WHRN: variants seen among roughly 807,000 people sequenced by gnomAD.
WHRN encodes CASK-interacting protein CIP98.
Under a neutral mutation model 68.3 loss-of-function variants are expected in WHRN, and 41 were observed. The ratio of observed to expected loss-of-function variants is 0.60; its 90% CI spans 0.47 to 0.78. The LOEUF is 0.78. WHRN is among the 30% of genes least tolerant of loss of function. The pLI is 0.00. For missense variants in WHRN, 1,243 were observed against 1,244.7 expected (o/e 1.00, Z 0.02); for synonymous variants, 560 against 561.3 (o/e 1.00, Z 0.03).
At chr9:114,488,329 C>A (rs979811502) in intron 1 of WHRN, among the ~76,000 whole-genome samples, 4 of 152,136 alleles carry the variant, frequency 2.6e-5, no homozygotes, top group African/African-American at 7.2e-5. Flanking sequence ...TTAGTAACAG[C>A]AAAATTACAG....
intron 6 of WHRN, 39 bp from the exon 7 acceptor site, chr9:114,423,562 C>A: frequency 6.4e-7 from 1 of 1,568,544 alleles, no homozygotes. Context: ...GCAGGGAGCG[C>A]TACTAGAAGG....
chr9:114,486,905 TAGA>T (rs368641882), intron 1 of WHRN, among the ~76,000 whole-genome samples: 52,673 of 99,362 alleles, frequency 0.53, 14,015 homozygotes, highest in East Asian at 0.74. Context: ...TGTGTGTGTG[TAGA>T]GTGTGTGTGT....
At chr9:114,497,527 A>G (rs558437060) in intron 1 of WHRN, among the ~76,000 whole-genome samples, 69 of 151,784 alleles carry the variant, frequency 4.5e-4, no homozygotes, top group African/African-American at 1.5e-3. Flanking sequence ...AAAAAAAAAA[A>G]GAAAAGGAAA....
At chr9:114,429,949 C>T (rs1022686290) in intron 3 of WHRN, among the ~76,000 whole-genome samples, 1 of 152,232 alleles carries the variant, frequency 6.6e-6, no homozygotes, top group Non-Finnish European at 1.5e-5. Context: ...GAATCTTCTC[C>T]ATTTCCACCT....
In WHRN at chr9:114,406,615, G is replaced by C. The variant is rs765177181; in HGVS notation, c.1976C>G (p.Pro659Arg). The change falls in exon 9 of 12, where the codon CCC (proline) becomes CGC (arginine). Residue 659 changes from proline to arginine, a missense_variant. Physicochemically the swap from Pro to Arg is moderately radical, Grantham distance 103 (BLOSUM62 -2). Transcript: ENST00000362057. Reference sequence around the variant, plus strand: ...GGCGTCCAGCGGCCTCTTGGAGCTGGGGTTGGCAGGGGAGACGGAGGCATA... The same window carrying C: ...GGCGTCCAGCGGCCTCTTGGAGCTGCGGTTGGCAGGGGAGACGGAGGCATA... ...PIYASVSPAN[P>R]SSKRPLDAHL... 2 of 1,611,302 alleles carry C rather than the reference G, an allele frequency of 1.2e-6. No homozygotes were observed. The highest frequency in any genetic ancestry group is 4.5e-5 in the East Asian group (2 of 44,824).
At chr9:114,430,793 G>C (rs550320946) in intron 3 of WHRN, among the ~76,000 whole-genome samples, 1 of 152,174 alleles carries the variant, frequency 6.6e-6, no homozygotes, top group African/African-American at 2.4e-5. Context: ...TACTGGGGAC[G>C]TGTAAGCCCA....
intron 7 of WHRN, among the ~76,000 whole-genome samples, chr9:114,417,613 T>G (rs1318598128): frequency 3.9e-5 from 6 of 152,138 alleles, no homozygotes; most frequent in Admixed American, 6.5e-5. Flanking sequence ...GTGAGCTCCA[T>G]GCAGGAAGGG....
chr9:114,466,592 A>G (rs1182873535), intron 2 of WHRN, among the ~76,000 whole-genome samples, 200 bp from the exon 3 acceptor site: 1 of 152,168 alleles, frequency 6.6e-6, no homozygotes. Context: ...GGTGACCTTG[A>G]GGAAGCCCCT....
intron 3 of WHRN, among the ~76,000 whole-genome samples, chr9:114,457,490 T>C (rs1478631863): frequency 6.6e-6 from 1 of 152,080 alleles, no homozygotes. Flanking sequence ...CAATTCTTCC[T>C]TAAGGAAGAA....
At chr9:114,436,596 A>G (rs1429645597) in intron 3 of WHRN, among the ~76,000 whole-genome samples, 2 of 152,158 alleles carry the variant, frequency 1.3e-5, no homozygotes, top group African/African-American at 2.4e-5. Context: ...TGTGGGGCCG[A>G]GGTGGGTGGA....
Position 114,407,994 on chromosome 9 carries a change from C to T in WHRN, c.1651G>A (p.Gly551Ser). ...ARNTLDLEETGEAVQGNINAL... is the reference protein window; with the variant it reads ...ARNTLDLEETSEAVQGNINAL... ...TTGATATTGCCCTGGACAGCCTCGC[C>T]AGTTTCCTCCAGGTCCAGAGTGTTC... is the stretch of plus-strand genomic sequence containing the variant. Residue 551 changes from glycine (G) to serine (S), a missense_variant, in exon 8 of 12, where the codon GGC (glycine) becomes AGC (serine). By Grantham distance (56) the Gly-to-Ser change is moderately conservative. Coordinates refer to ENST00000362057, the MANE Select transcript of WHRN (RefSeq NM_015404.4). 6.2e-7 allele frequency: 1 copy of T among 1,603,700 alleles called. No individual in the cohort carries two copies. The highest frequency in any genetic ancestry group is 1.1e-5 in the South Asian group (1 of 89,156).
At chr9:114,465,502 C>T (rs1840603614) in intron 3 of WHRN, among the ~76,000 whole-genome samples, 1 of 152,200 alleles carries the variant, frequency 6.6e-6, no homozygotes, top group African/African-American at 2.4e-5. Context: ...GTCACCACTC[C>T]ACATCACTGC....
chr9:114,490,284 C>G (rs1369795995), intron 1 of WHRN, among the ~76,000 whole-genome samples: 2 of 152,172 alleles, frequency 1.3e-5, no homozygotes, highest in East Asian at 3.8e-4. Context: ...TGCAAGGAAG[C>G]AGGTGATTCG....
At chr9:114,408,357 G>T (rs779060352) in intron 7 of WHRN, among the ~76,000 whole-genome samples, 7 of 152,184 alleles carry the variant, frequency 4.6e-5, no homozygotes, top group Non-Finnish European at 8.8e-5. Context: ...AAAAGCCAAG[G>T]CCTCTCTCCA....
At chr9:114,455,639 AG>A (rs1695765892) in intron 3 of WHRN, among the ~76,000 whole-genome samples, 2 of 151,306 alleles carry the variant, frequency 1.3e-5, no homozygotes, top group Non-Finnish European at 2.9e-5. Context: ...ACTTGAGCCC[AG>A]GAGGTCAAGG....
At chr9:114,446,666 C>G (rs1277029229) in intron 3 of WHRN, among the ~76,000 whole-genome samples, 2 of 152,142 alleles carry the variant, frequency 1.3e-5, no homozygotes, top group Non-Finnish European at 2.9e-5. Context: ...GGGTCTGGCT[C>G]AAACCCTTTG....
In WHRN at chr9:114,504,941, A is replaced by C; in HGVS notation, c.-140T>G. On this transcript the variant is annotated 5_prime_UTR_variant, in exon 1 of 12. Transcript: ENST00000362057. ...GCCTGGGTTTGGGGAGCACGGGTACAGTGGCTGGATCCTAGGGGGTCGCGG... is the reference window on the plus strand; with the variant it reads ...GCCTGGGTTTGGGGAGCACGGGTACCGTGGCTGGATCCTAGGGGGTCGCGG... The C allele has an allele frequency of 8.1e-7, 1 of 1,231,922 alleles. No individual in the cohort carries two copies. The highest frequency in any genetic ancestry group is 1.6e-5 in the African/African-American group (1 of 62,758). The allele number at this position is 1,231,922 out of a possible 1,614,324, so 76.3% of individuals were successfully genotyped here.
intron 1 of WHRN, among the ~76,000 whole-genome samples, chr9:114,486,435 T>C (rs1373834783): frequency 6.6e-6 from 1 of 152,210 alleles, no homozygotes; most frequent in Non-Finnish European, 1.5e-5. Context: ...GACAAGTTCC[T>C]TGAGGCACAT....
At chr9:114,435,342 G>T (rs1190536463) in intron 3 of WHRN, among the ~76,000 whole-genome samples, 1 of 152,202 alleles carries the variant, frequency 6.6e-6, no homozygotes, top group African/African-American at 2.4e-5. Context: ...TCCCCATTCT[G>T]GTTCCTGCAG....
Sources: gnomAD v4.1 joint callset for allele counts (sites outside exome capture counted in the v4.1 genomes callset) on GRCh38, gnomAD v4.1.1 for gene constraint, MANE v1.5 for transcripts, NCBI Gene and HGNC (gene_info 2026-07-23, HGNC 2026-07-21) for gene names.